Variants in RARS2 observed in about 807,000 individuals in gnomAD.
RARS2 encodes the protein probable arginine--tRNA ligase, mitochondrial.
Under a neutral mutation model 88.5 loss-of-function variants are expected in RARS2, and 67 were observed. The observed-to-expected ratio is 0.76, with a 90% confidence interval of 0.62 to 0.93. RARS2 has a LOEUF of 0.93. Among genes scored for constraint, RARS2 ranks in the 40% least tolerant of loss-of-function variants. The pLI, the probability that RARS2 is intolerant of heterozygous loss-of-function variation, is 0.00. For missense variants in RARS2, 664 were observed against 684.2 expected (o/e 0.97, Z 0.33); for synonymous variants, 239 against 230.3 (o/e 1.04, Z -0.34).
chr6:87,542,021 A>C, intron 7 of RARS2, 27 bp from the exon 8 acceptor site: 1 of 1,575,066 alleles, frequency 6.3e-7, no homozygotes, highest in Non-Finnish European at 8.7e-7. Context: ...TAAATGAAAA[A>C]TTATAAAGTT....
chr6:87,570,275 G>T (rs1423298279), intron 1 of RARS2, among the ~76,000 whole-genome samples: 1 of 151,792 alleles, frequency 6.6e-6, no homozygotes, highest in African/African-American at 2.4e-5. Flanking sequence ...CAAAGTACTG[G>T]GATTATAGGT....
At position 87,530,918 on chromosome 6, in the gene RARS2, CTTCT is replaced by C. The variant is rs755936301; in HGVS notation, c.633_636del (p.Glu212GlnfsTer7). On this transcript the variant is annotated frameshift_variant, in exon 9 of 20. Coordinates refer to ENST00000369536, the MANE Select transcript of RARS2 (RefSeq NM_020320.5). LOFTEE classifies it high-confidence loss of function. ...TTTGCTACACTTTTATCATCTGCTG[CTTCT>C]TTATTAACTTGTACATAAACCTAAA... 7.4e-6 allele frequency: 12 copies of C among 1,614,160 alleles called. No homozygotes were observed. The African/African-American group carries it at 1.5e-4, about 20-fold the overall frequency.
intron 8 of RARS2, among the ~76,000 whole-genome samples, chr6:87,539,810 C>T (rs891330803): frequency 6.6e-6 from 1 of 152,108 alleles, no homozygotes; most frequent in Non-Finnish European, 1.5e-5. Context: ...TGTTCAAGTG[C>T]TATTTCTTTG....
At chr6:87,534,045 G>C (rs1175605078) in intron 8 of RARS2, among the ~76,000 whole-genome samples, 1 of 152,024 alleles carries the variant, frequency 6.6e-6, no homozygotes, top group African/African-American at 2.4e-5. Flanking sequence ...GTTTAGAAAA[G>C]AACATGTAAA....
At chr6:87,539,058 G>GAATAAATGAATAAATAAATA (rs1554192451) in intron 8 of RARS2, among the ~76,000 whole-genome samples, 3 of 150,442 alleles carry the variant, frequency 2.0e-5, no homozygotes, top group African/African-American at 7.4e-5. Flanking sequence ...ATAAATAAAT[G>GAATAAATGAATAAATAAATA]AATAAATAAA....
chr6:87,583,823 T>C (rs1774324981), intron 1 of RARS2, among the ~76,000 whole-genome samples: 1 of 152,170 alleles, frequency 6.6e-6, no homozygotes, highest in South Asian at 2.1e-4. Flanking sequence ...GGTTATTCCT[T>C]TCATGTTCCT....
chr6:87,557,852 T>C (rs1786488002), intron 4 of RARS2, among the ~76,000 whole-genome samples: 1 of 152,178 alleles, frequency 6.6e-6, no homozygotes, highest in Non-Finnish European at 1.5e-5. Context: ...TATTTTACAC[T>C]TTTAGGTGAC....
At chr6:87,571,431 T>C (rs894923837) in intron 1 of RARS2, among the ~76,000 whole-genome samples, 2 of 152,140 alleles carry the variant, frequency 1.3e-5, no homozygotes, top group East Asian at 3.8e-4. Flanking sequence ...AACAGACTAA[T>C]ACACATATGT....
intron 5 of RARS2, among the ~76,000 whole-genome samples, chr6:87,549,745 C>T (rs1783775199): frequency 6.6e-6 from 1 of 152,140 alleles, no homozygotes; most frequent in Admixed American, 6.5e-5. Flanking sequence ...TCACACACTT[C>T]ATGGGCATTA....
At chr6:87,539,584 C>T (rs1174413686) in intron 8 of RARS2, among the ~76,000 whole-genome samples, 1 of 152,190 alleles carries the variant, frequency 6.6e-6, no homozygotes, top group Non-Finnish European at 1.5e-5. Context: ...CTGCCTTTGC[C>T]TCTTTTGAAA....
intron 19 of RARS2, 146 bp downstream of exon 19, chr6:87,514,807 CATTG>C (rs1361685047): frequency 8.2e-6 from 6 of 729,536 alleles, no homozygotes; most frequent in African/African-American, 7.0e-5. Context: ...AGTATATACA[CATTG>C]ATTGTTACAG....
intron 11 of RARS2, among the ~76,000 whole-genome samples, chr6:87,523,297 T>C (rs1404488204): frequency 6.6e-6 from 1 of 152,200 alleles, no homozygotes; most frequent in East Asian, 1.9e-4. Flanking sequence ...TAGAGAATCA[T>C]GGCCCAGAGA....
intron 4 of RARS2, among the ~76,000 whole-genome samples, chr6:87,555,929 T>G (rs1785728254): frequency 6.6e-6 from 1 of 152,236 alleles, no homozygotes; most frequent in Non-Finnish European, 1.5e-5. Flanking sequence ...TTAACTTACT[T>G]ACTCCTCACG....
At chr6:87,538,750 T>C (rs143523112) in intron 8 of RARS2, among the ~76,000 whole-genome samples, 1 of 151,918 alleles carries the variant, frequency 6.6e-6, no homozygotes, top group East Asian at 1.9e-4. Context: ...AATTAAAAAA[T>C]AGGTTGGGTG....
At chr6:87,524,863 T>C (rs1444103082) in intron 10 of RARS2, among the ~76,000 whole-genome samples, 1 of 152,214 alleles carries the variant, frequency 6.6e-6, no homozygotes, top group African/African-American at 2.4e-5. Flanking sequence ...TATTTGGTTA[T>C]CTTAGCTTTT....
chr6:87,553,486 C>T (rs1340077440), intron 5 of RARS2, among the ~76,000 whole-genome samples: 6 of 152,072 alleles, frequency 3.9e-5, no homozygotes, highest in Admixed American at 1.3e-4. Flanking sequence ...TCTGATCTGT[C>T]GCAACTATTC....
intron 14 of RARS2, 46 bp from the exon 15 acceptor site, chr6:87,518,937 CCAAT>C (rs1372025830): frequency 6.4e-7 from 1 of 1,574,100 alleles, no homozygotes; most frequent in Non-Finnish European, 8.7e-7. Context: ...TGACACTGTG[CCAAT>C]CATGGATCCA....
intron 1 of RARS2, among the ~76,000 whole-genome samples, chr6:87,588,090 C>A (rs1242901075): frequency 1.3e-5 from 2 of 152,090 alleles, no homozygotes; most frequent in Non-Finnish European, 2.9e-5. Context: ...ACAGTCTTTA[C>A]AAAGAACACA....
At chr6:87,551,915 G>A (rs867681337) in intron 5 of RARS2, among the ~76,000 whole-genome samples, 2 of 152,138 alleles carry the variant, frequency 1.3e-5, no homozygotes, top group South Asian at 2.1e-4. Flanking sequence ...AATAGGAGAG[G>A]CTGACTAGAG....
Sources: gnomAD v4.1 joint callset for allele counts (sites outside exome capture counted in the v4.1 genomes callset) on GRCh38, gnomAD v4.1.1 for gene constraint, MANE v1.5 for transcripts, NCBI Gene and HGNC (gene_info 2026-07-23, HGNC 2026-07-21) for gene names.